Variants in PAK3 observed in about 807,000 individuals in gnomAD.
PAK3 encodes the protein serine/threonine-protein kinase PAK 3.
A neutral mutation model predicts 41.0 loss-of-function variants in PAK3; 4 were observed. The ratio of observed to expected loss-of-function variants is 0.10; its 90% CI spans 0.05 to 0.22. The LOEUF is 0.22. Among genes scored for constraint, PAK3 ranks in the 10% least tolerant of loss-of-function variants. The probability of loss-of-function intolerance (pLI) is 1.00; values close to 1 mark genes in which losing one functional copy is unlikely to be tolerated. For synonymous variants in PAK3, 146 were observed against 139.6 expected (o/e 1.05, Z -0.32); for missense variants, 205 against 409.9 (o/e 0.50, Z 4.32).
intron 1 of PAK3, among the ~76,000 whole-genome samples, chrX:111,060,560 T>C (rs1335149919): frequency 8.9e-6 from 1 of 111,855 alleles, no homozygotes; most frequent in East Asian, 2.8e-4. Context: ...TCCTGGGCTT[T>C]TTTTTAATTG....
At chrX:111,182,825 G>A (rs904608094) in intron 11 of PAK3, among the ~76,000 whole-genome samples, 1 of 111,317 alleles carries the variant, frequency 9.0e-6, no homozygotes, top group Non-Finnish European at 1.9e-5. Flanking sequence ...AAAACTAACA[G>A]CAGTTCATTT....
rs946733605 is a variant in PAK3 at position 111,009,974 on chromosome X, A to G, written c.-28+65346A>G. ...AATATTGTGGCCCCATAATCCCACCATGGATAATTAACAGAAAAAAAAATA... is the reference window on the plus strand; with the variant it reads ...AATATTGTGGCCCCATAATCCCACCGTGGATAATTAACAGAAAAAAAAATA... On this transcript the variant is annotated intron_variant, in intron 1 of 14. Transcript: ENST00000425146. Among the ~76,000 whole-genome samples, 7 of 111,568 alleles carry G rather than the reference A, an allele frequency of 6.3e-5. No homozygotes were observed. The Admixed American group carries it at 6.6e-4, about 11-fold the overall frequency.
intron 1 of PAK3, among the ~76,000 whole-genome samples, chrX:111,000,951 C>A (rs184074888): frequency 1.8e-5 from 2 of 110,778 alleles, no homozygotes; most frequent in African/African-American, 6.6e-5. Context: ...AGTAGAGGGG[C>A]TGTATTCAAG....
intron 1 of PAK3, among the ~76,000 whole-genome samples, chrX:110,957,234 A>G (rs2090880213): frequency 8.9e-6 from 1 of 112,477 alleles, no homozygotes; most frequent in African/African-American, 3.2e-5. Context: ...TGCATGTATT[A>G]TCTCATTTAA....
intron 1 of PAK3, among the ~76,000 whole-genome samples, chrX:111,052,129 G>A: frequency 8.9e-6 from 1 of 112,269 alleles, no homozygotes; most frequent in Non-Finnish European, 1.9e-5. Context: ...GCCTAATTCA[G>A]AAACTATAGC....
intron 10 of PAK3, among the ~76,000 whole-genome samples, chrX:111,171,473 A>T (rs141533760): frequency 8.9e-6 from 1 of 111,796 alleles, no homozygotes; most frequent in Non-Finnish European, 1.9e-5. Flanking sequence ...CTATTTGAAC[A>T]CTGCATTGAA....
chrX:111,073,320 G>GA (rs1218896943), intron 1 of PAK3, among the ~76,000 whole-genome samples: 1 of 111,257 alleles, frequency 9.0e-6, no homozygotes, highest in East Asian at 2.8e-4. Context: ...CAGGGAACTA[G>GA]AAAAAAGAAC....
At chrX:110,982,508 T>C (rs966031494) in intron 1 of PAK3, among the ~76,000 whole-genome samples, 5 of 111,882 alleles carry the variant, frequency 4.5e-5, no homozygotes, top group African/African-American at 1.3e-4. Flanking sequence ...CTGAAGAAAT[T>C]GGGGTTATGA....
chrX:111,062,387 A>G (rs1024574941), intron 1 of PAK3, among the ~76,000 whole-genome samples: 2 of 112,379 alleles, frequency 1.8e-5, no homozygotes, highest in East Asian at 2.8e-4. Context: ...ACGTGAATGT[A>G]TGGTATACTG....
intron 16 of PAK3, among the ~76,000 whole-genome samples, chrX:111,205,783 C>G (rs1335252498): frequency 9.0e-6 from 1 of 111,414 alleles, no homozygotes; most frequent in East Asian, 2.8e-4. Flanking sequence ...AAGTTGAAAT[C>G]AGTTTATGTG....
chrX:111,128,663 T>C (rs2093678756), intron 5 of PAK3, among the ~76,000 whole-genome samples: 1 of 112,071 alleles, frequency 8.9e-6, no homozygotes, highest in African/African-American at 3.2e-5. Context: ...TGGTAAACTA[T>C]GTTCCCAGCA....
At chrX:111,094,096 C>T (rs773281324), upstream of PAK3, among the ~76,000 whole-genome samples, 8 of 107,841 alleles carry the variant, frequency 7.4e-5, no homozygotes, top group Admixed American at 3.0e-4. Context: ...TTTTTTAACT[C>T]CAAAGTTAGT....
intron 1 of PAK3, among the ~76,000 whole-genome samples, chrX:111,028,926 A>G (rs1370598323): frequency 1.8e-5 from 2 of 110,891 alleles, no homozygotes; most frequent in Admixed American, 1.9e-4. Flanking sequence ...TCAGGCCACA[A>G]GTTCAAGACC....
chrX:111,166,157 C>G (rs1420001765), intron 10 of PAK3, among the ~76,000 whole-genome samples: 1 of 111,286 alleles, frequency 9.0e-6, no homozygotes, highest in African/African-American at 3.3e-5. Flanking sequence ...CCAAAGTCCA[C>G]AAAGGCAGAC....
At chrX:111,186,581 T>A (rs2094513186) in intron 11 of PAK3, among the ~76,000 whole-genome samples, 1 of 111,403 alleles carries the variant, frequency 9.0e-6, no homozygotes, top group Non-Finnish European at 1.9e-5. Context: ...TTACAAGGGA[T>A]GTGAATGACC....
In PAK3 at chrX:111,221,094, T is replaced by C. The variant is rs1335189222; in HGVS notation, c.*647T>C. 2 of 111,686 alleles carry C rather than the reference T, an allele frequency of 1.8e-5. No individual in the cohort carries two copies. The highest frequency in any genetic ancestry group is 6.5e-5 in the African/African-American group (2 of 30,738). 9.2% of individuals were successfully genotyped at this position (111,686 alleles called of 1,213,427 possible). A position where few individuals can be genotyped will look rare whatever the true frequency, so the allele number is the denominator to read the frequency against. On this transcript the variant is annotated 3_prime_UTR_variant, in exon 18 of 18. Coordinates refer to ENST00000372007, the MANE Select transcript of PAK3 (RefSeq NM_002578.5). ...TCTTCTTCTATAGTGGTGGCTTGGTTTGTGTACCTATTTTTCTGCATTTGT... is the reference window on the plus strand; with the variant it reads ...TCTTCTTCTATAGTGGTGGCTTGGTCTGTGTACCTATTTTTCTGCATTTGT...
chrX:110,998,296 C>T (rs2091778958), intron 1 of PAK3, among the ~76,000 whole-genome samples: 1 of 111,714 alleles, frequency 9.0e-6, no homozygotes, highest in Non-Finnish European at 1.9e-5. Context: ...AAGAAGCAGC[C>T]AGAGAAGAAA....
intron 1 of PAK3, among the ~76,000 whole-genome samples, chrX:111,063,281 T>A (rs781378033): frequency 8.0e-5 from 9 of 112,272 alleles, no homozygotes; most frequent in Non-Finnish European, 1.3e-4. Flanking sequence ...ACAAAAATAC[T>A]ATCTACCCCA....
At chrX:111,155,033 TA>T (rs1174470640) in intron 8 of PAK3, among the ~76,000 whole-genome samples, 1 of 111,133 alleles carries the variant, frequency 9.0e-6, no homozygotes, top group East Asian at 2.8e-4. Context: ...ATGTTATGGC[TA>T]AAATATTCCA....
Sources: allele counts gnomAD v4.1 joint callset (sites outside exome capture counted in the v4.1 genomes callset), GRCh38; gene constraint gnomAD v4.1.1; transcripts MANE v1.5; gene names NCBI Gene and HGNC (gene_info 2026-07-23, HGNC 2026-07-21).